The following PLCZ1 variants were observed in gnomAD, a reference collection of about 807,000 sequenced individuals.
PLCZ1 encodes phospholipase C zeta 1.
PLCZ1 carries 64 observed loss-of-function variants against 76.8 expected under a neutral mutation model. The ratio of observed to expected loss-of-function variants is 0.83; its 90% CI spans 0.68 to 1.03. The LOEUF (loss-of-function observed/expected upper bound fraction) is 1.03. PLCZ1 is among the 50% of genes least tolerant of loss of function. The pLI is 0.00. For missense variants in PLCZ1, 751 were observed against 713.7 expected (o/e 1.05, Z -0.60); for synonymous variants, 248 against 230.8 (o/e 1.07, Z -0.68).
chr12:18,710,063 C>T (rs1957101911), intron 6 of PLCZ1, among the ~76,000 whole-genome samples: 2 of 151,360 alleles, frequency 1.3e-5, no homozygotes, highest in South Asian at 2.1e-4. Flanking sequence ...TGTGTGGAAT[C>T]GTTGGGCTTT....
At position 18,723,325 on chromosome 12, in the gene PLCZ1, T is replaced by C. The variant is rs765962741; in HGVS notation, c.353A>G (p.Glu118Gly). ...TGCAAACATACCTTCTTCGATAGGCTCGTATTTCTGAATGATCTCAAAAGC... is the reference window on the plus strand; with the variant it reads ...TGCAAACATACCTTCTTCGATAGGCCCGTATTTCTGAATGATCTCAAAAGC... The part of the protein sequence containing the change: ...AIAFEIIQKY[E>G]PIEEVRKAHQ... Residue 118 changes from glutamate to glycine, a missense_variant, in exon 4 of 15, where the codon GAG (glutamate) becomes GGG (glycine). Transcript: ENST00000266505. 4 of 1,611,316 alleles carry C rather than the reference T, an allele frequency of 2.5e-6. No homozygotes were observed. The highest frequency in any genetic ancestry group is 3.4e-6 in the Non-Finnish European group (4 of 1,178,328).
intron 5 of PLCZ1, among the ~76,000 whole-genome samples, chr12:18,717,987 C>A (rs762053252): frequency 6.6e-6 from 1 of 152,134 alleles, no homozygotes; most frequent in Non-Finnish European, 1.5e-5. Flanking sequence ...AGATCCCACT[C>A]AGCCACATGA....
At chr12:18,681,806 C>G (rs1952444589), downstream of PLCZ1, among the ~76,000 whole-genome samples, 1 of 151,988 alleles carries the variant, frequency 6.6e-6, no homozygotes, top group Non-Finnish European at 1.5e-5. Context: ...CTTTTTCTCT[C>G]TCATTTCAAA....
chr12:18,692,349 A>G (rs1276811868), intron 12 of PLCZ1, among the ~76,000 whole-genome samples: 2 of 152,202 alleles, frequency 1.3e-5, no homozygotes, highest in Admixed American at 1.3e-4. Context: ...ACTGCTCATA[A>G]GTAAGTGGAG....
intron 10 of PLCZ1, among the ~76,000 whole-genome samples, chr12:18,696,839 G>A (rs908410644): frequency 6.6e-6 from 1 of 151,968 alleles, no homozygotes; most frequent in Non-Finnish European, 1.5e-5. Context: ...TTCAATCTGT[G>A]TTTACATGTC....
At chr12:18,707,877 G>T (rs1257274242) in intron 6 of PLCZ1, among the ~76,000 whole-genome samples, 1 of 152,112 alleles carries the variant, frequency 6.6e-6, no homozygotes, top group Non-Finnish European at 1.5e-5. Context: ...GTTTTTAAAT[G>T]CATTTTATTG....
intron 4 of PLCZ1, among the ~76,000 whole-genome samples, chr12:18,721,847 T>C (rs1958458115): frequency 1.3e-5 from 2 of 151,824 alleles, no homozygotes; most frequent in South Asian, 2.1e-4. Context: ...AAATTGTCAC[T>C]AAGACTCAAC....
At chr12:18,652,247 C>T in the PLCZ1 span, among the ~76,000 whole-genome samples, 1 of 151,996 alleles carries the variant, frequency 6.6e-6, no homozygotes, top group South Asian at 2.1e-4. Context: ...TCGCCAGTCC[C>T]ATATACCAGT....
chr12:18,688,339 T>G (rs773967976), intron 12 of PLCZ1, 121 bp from the exon 13 acceptor site: 1 of 1,009,042 alleles, frequency 9.9e-7, no homozygotes, highest in Non-Finnish European at 1.4e-6. Context: ...CCCACAAACA[T>G]TGAAAGTGGA....
chr12:18,683,271 A>C lies in PLCZ1; in HGVS notation c.1795T>G (p.Ser599Ala). ...ACGTACCAAACATAAACAAACAGTG[A>C]AGCAGGCTCAAGGCTCTCACCCATT... ...SRMGESLEPA[S>A]LFVYVWYVR Residue 599 changes from serine to alanine, a missense_variant, in exon 15 of 15, where the codon TCA (serine) becomes GCA (alanine). By Grantham distance (99) the Ser-to-Ala change is moderately conservative. Coordinates refer to ENST00000266505, the MANE Select transcript of PLCZ1 (RefSeq NM_033123.4). 1 of 1,612,640 alleles carries C rather than the reference A, an allele frequency of 6.2e-7. No homozygotes were observed. The highest frequency in any genetic ancestry group is 8.5e-7 in the Non-Finnish European group (1 of 1,179,036).
the PLCZ1 span, among the ~76,000 whole-genome samples, chr12:18,668,755 T>A: frequency 7.4e-4 from 112 of 152,214 alleles, no homozygotes; most frequent in African/African-American, 2.5e-3. Flanking sequence ...AAAGCTATAT[T>A]TATTGCTTGG....
intron 6 of PLCZ1, 100 bp downstream of exon 6, chr12:18,712,742 T>TATC (rs1377240986): frequency 1.5e-5 from 21 of 1,399,692 alleles, no homozygotes; most frequent in Non-Finnish European, 2.1e-5. Context: ...CAATTTGAAA[T>TATC]ATCATCTAAA....
intron 3 of PLCZ1, chr12:18,731,241 T>C (rs1022036015): frequency 1.3e-5 from 2 of 151,950 alleles, no homozygotes; most frequent in African/African-American, 4.8e-5. Context: ...TCAAGGACAT[T>C]TGTATAGCGA....
the PLCZ1 span, among the ~76,000 whole-genome samples, chr12:18,673,849 G>A: frequency 1.3e-5 from 2 of 152,192 alleles, no homozygotes; most frequent in African/African-American, 2.4e-5. Context: ...TTCCACAGAA[G>A]CTGCCCTGAG....
chr12:18,661,772 G>A, the PLCZ1 span, among the ~76,000 whole-genome samples: 1 of 152,018 alleles, frequency 6.6e-6, no homozygotes, highest in African/African-American at 2.4e-5. Flanking sequence ...CATTGACCCA[G>A]CAATCCCATT....
rs779838173 is a variant in PLCZ1 at position 18,719,536 on chromosome 12, T to C, written c.464A>G (p.Gln155Arg). ...ATCATTTAATGGATGAGTCATATCT[T>C]GATAAACTTTTCTACATTCATTTTT... ...LFKNECRKVY[Q>R]DMTHPLNDYF... The change falls in exon 5 of 15, where the codon CAA becomes CGA. Residue 155 changes from glutamine to arginine, a missense_variant. Gln to Arg is a conservative substitution (Grantham distance 43). Coordinates refer to ENST00000266505, the MANE Select transcript of PLCZ1 (RefSeq NM_033123.4). 6.3e-7 allele frequency: 1 copy of C among 1,598,258 alleles called. No individual in the cohort carries two copies. The highest frequency in any genetic ancestry group is 1.7e-5 in the Admixed American group (1 of 59,224).
intron 5 of PLCZ1, among the ~76,000 whole-genome samples, chr12:18,717,477 G>A (rs1030634646): frequency 6.6e-6 from 1 of 152,082 alleles, no homozygotes. Context: ...TAATCATTTG[G>A]TTTTAAATAT....
chr12:18,700,512 C>CAAAAAAAAAAAAAAAAAA (rs11324526), intron 9 of PLCZ1, among the ~76,000 whole-genome samples: 4 of 67,896 alleles, frequency 5.9e-5, no homozygotes, highest in Non-Finnish European at 7.5e-5. Context: ...AGCCAACGTA[C>CAAAAAAAAAAAAAAAAAA]AAAAAAAAAA....
At chr12:18,685,760 T>G (rs550727544) in intron 13 of PLCZ1, 4 of 402,078 alleles carry the variant, frequency 9.9e-6, no homozygotes, top group African/African-American at 4.1e-5. Flanking sequence ...TGATTTCTTC[T>G]TCCTCCAATC....
Sources: gnomAD v4.1 joint callset for allele counts (sites outside exome capture counted in the v4.1 genomes callset) on GRCh38, gnomAD v4.1.1 for gene constraint, MANE v1.5 for transcripts, NCBI Gene and HGNC (gene_info 2026-07-23, HGNC 2026-07-21) for gene names.